Variants in FAM53A observed in about 807,000 individuals in gnomAD.
The protein encoded by FAM53A is protein FAM53A.
A neutral mutation model predicts 26.6 loss-of-function variants in FAM53A; 28 were observed. The observed-to-expected ratio is 1.05, with a 90% confidence interval of 0.78 to 1.45. FAM53A has a LOEUF of 1.45. Ranked by LOEUF, FAM53A falls within the 40% of genes most tolerant of loss-of-function variation. The probability of loss-of-function intolerance (pLI) is 0.00; values close to 1 mark genes in which losing one functional copy is unlikely to be tolerated. For synonymous variants in FAM53A, 290 were observed against 253.1 expected (o/e 1.15, Z -1.38); for missense variants, 650 against 575.8 (o/e 1.13, Z -1.32).
chr4:1,623,056 A>G (rs1715117755), intron 1 of FAM53A, among the ~76,000 whole-genome samples: 1 of 152,206 alleles, frequency 6.6e-6, no homozygotes, highest in African/African-American at 2.4e-5. Flanking sequence ...CACAGGGCTG[A>G]CAGTGGCACC....
the FAM53A span, among the ~76,000 whole-genome samples, chr4:1,582,880 A>C: frequency 6.6e-6 from 1 of 152,200 alleles, no homozygotes; most frequent in Non-Finnish European, 1.5e-5. Context: ...AAATAGCTAC[A>C]TATATAGGCA....
the FAM53A span, among the ~76,000 whole-genome samples, chr4:1,599,159 CTCA>C: frequency 6.0e-5 from 9 of 149,798 alleles, no homozygotes; most frequent in African/African-American, 2.3e-4. The surrounding 1 kb of genome is among the most constrained non-coding windows in gnomAD (Gnocchi z 6.1). Context: ...GGTGCTGGAG[CTCA>C]GGGCCGTCGG....
intron 2 of FAM53A, among the ~76,000 whole-genome samples, chr4:1,658,077 C>G (rs1453043945): frequency 6.6e-6 from 1 of 151,850 alleles, no homozygotes; most frequent in African/African-American, 2.4e-5. Flanking sequence ...GTGGTGCTAT[C>G]TCTGCTTACT....
intron 4 of FAM53A, chr4:1,644,349 C>G (rs979919807): frequency 6.5e-7 from 1 of 1,535,640 alleles, no homozygotes; most frequent in Non-Finnish European, 8.7e-7. Flanking sequence ...GCGGCTAGAG[C>G]GTGAAAACAG....
At chr4:1,586,319 G>C in the FAM53A span, among the ~76,000 whole-genome samples, 3 of 151,608 alleles carry the variant, frequency 2.0e-5, no homozygotes, top group African/African-American at 7.3e-5. Context: ...TCAGCCTCCC[G>C]AGTATCTAGG....
chr4:1,684,896 G>A (rs573161505), upstream of FAM53A, among the ~76,000 whole-genome samples: 11 of 152,344 alleles, frequency 7.2e-5, no homozygotes, highest in Admixed American at 2.6e-4. Context: ...CGGGGTTGGG[G>A]CCTGGTTCCG....
At chr4:1,680,891 A>G (rs1715389298) in intron 1 of FAM53A, among the ~76,000 whole-genome samples, 1 of 152,202 alleles carries the variant, frequency 6.6e-6, no homozygotes, top group Non-Finnish European at 1.5e-5. Flanking sequence ...GCATGATACT[A>G]TAATGGTTGA....
intron 1 of FAM53A, among the ~76,000 whole-genome samples, chr4:1,674,231 C>T (rs1714879930): frequency 6.6e-6 from 1 of 152,168 alleles, no homozygotes; most frequent in African/African-American, 2.4e-5. Context: ...TATAGCTGTA[C>T]CACTGCAATC....
chr4:1,639,100 C>G (rs1163766082), downstream of FAM53A, among the ~76,000 whole-genome samples: 1 of 152,150 alleles, frequency 6.6e-6, no homozygotes, highest in Non-Finnish European at 1.5e-5. Context: ...CTGTGGGACC[C>G]TGGCAGGCCT....
rs141684660 is a variant in FAM53A at position 1,634,087 on chromosome 4, C to A, written c.432-15976G>T. On this transcript the variant is annotated intron_variant, in intron 1 of 1. Coordinates refer to the FAM53A transcript ENST00000489029. ...TGAGTAGCAGGTGGCAGAGGGAGTG[C>A]GGGGTTTGCAGCCTGTGAGGGAACC... Among the ~76,000 whole-genome samples, 303 of 152,186 alleles carry A rather than the reference C, an allele frequency of 2.0e-3. 2 individuals carry two copies. Among genetic ancestry groups the A allele is most frequent in the African/African-American group, 6.9e-3 (287 of 41,512 alleles).
chr4:1,608,819 G>C, the FAM53A span, among the ~76,000 whole-genome samples: 1 of 152,154 alleles, frequency 6.6e-6, no homozygotes, highest in Admixed American at 6.5e-5. Flanking sequence ...CTGTGAAGCT[G>C]ATTAATAATT....
At chr4:1,595,730 G>A in the FAM53A span, among the ~76,000 whole-genome samples, 2 of 152,266 alleles carry the variant, frequency 1.3e-5, no homozygotes, top group Non-Finnish European at 2.9e-5. Context: ...CCCCAGTCCA[G>A]CCGGGCAGAG....
At chr4:1,600,507 T>A in the FAM53A span, among the ~76,000 whole-genome samples, 1 of 150,804 alleles carries the variant, frequency 6.6e-6, no homozygotes, top group East Asian at 2.0e-4. Context: ...CCCGAGGCCC[T>A]GGCAGGGGCT....
At chr4:1,611,682 C>A in the FAM53A span, among the ~76,000 whole-genome samples, 1 of 152,244 alleles carries the variant, frequency 6.6e-6, no homozygotes, top group Non-Finnish European at 1.5e-5. Context: ...CTCCTGAGCC[C>A]TGCAGTCTCT....
intron 1 of FAM53A, among the ~76,000 whole-genome samples, chr4:1,626,395 C>A (rs770268624): frequency 3.3e-5 from 5 of 152,236 alleles, no homozygotes; most frequent in Non-Finnish European, 5.9e-5. Context: ...CAGAGGCTGC[C>A]AGTCACACAG....
At chr4:1,649,620 A>G (rs1232022863) in intron 4 of FAM53A, among the ~76,000 whole-genome samples, 1 of 152,218 alleles carries the variant, frequency 6.6e-6, no homozygotes, top group East Asian at 1.9e-4. Flanking sequence ...CATCGTGAAC[A>G]CACTCAGGCT....
chr4:1,586,445 C>G, the FAM53A span, among the ~76,000 whole-genome samples: 3 of 151,912 alleles, frequency 2.0e-5, no homozygotes, highest in African/African-American at 7.3e-5. Context: ...TCCACCCCCC[C>G]AGCCATGAAG....
the FAM53A span, among the ~76,000 whole-genome samples, chr4:1,611,267 T>C: frequency 5.9e-5 from 9 of 152,020 alleles, no homozygotes; most frequent in Non-Finnish European, 1.2e-4. Context: ...GATATGGGGG[T>C]GTGGGGTCTG....
intron 1 of FAM53A, among the ~76,000 whole-genome samples, chr4:1,618,544 G>A (rs1340673408): frequency 5.3e-5 from 8 of 152,240 alleles, no homozygotes; most frequent in Non-Finnish European, 8.8e-5. Flanking sequence ...GGAGGTGTGG[G>A]CTGGAGCTGC....
Sources: allele counts gnomAD v4.1 joint callset (sites outside exome capture counted in the v4.1 genomes callset), GRCh38; gene constraint gnomAD v4.1.1; non-coding constraint Gnocchi (gnomAD v3.1); transcripts MANE v1.5; gene names NCBI Gene and HGNC (gene_info 2026-07-23, HGNC 2026-07-21).